FARS2: variants seen among roughly 807,000 people sequenced by gnomAD.
FARS2 encodes the protein phenylalanyl-tRNA synthetase 2, mitochondrial, also known as phenylalanine--tRNA ligase, mitochondrial.
Under a neutral mutation model 46.4 loss-of-function variants are expected in FARS2, and 40 were observed. The observed-to-expected ratio is 0.86, with a 90% CI of 0.67 to 1.12. The LOEUF (loss-of-function observed/expected upper bound fraction) is 1.12. FARS2 is among the 50% of genes most tolerant of loss of function. The probability of loss-of-function intolerance (pLI) is 0.00; values close to 1 mark genes in which losing one functional copy is unlikely to be tolerated. For missense variants in FARS2, 513 were observed against 567.9 expected, an observed-to-expected ratio of 0.90 and a Z score of 0.98; for synonymous variants, 234 against 214.9, an observed-to-expected ratio of 1.09 and a Z score of -0.78.
chr6:5,565,084 A>G (rs559913140), intron 5 of FARS2, among the ~76,000 whole-genome samples: 1 of 152,374 alleles, frequency 6.6e-6, no homozygotes, highest in South Asian at 2.1e-4. Context: ...TATTGCCATA[A>G]GTTAAGAGTA....
intron 6 of FARS2, among the ~76,000 whole-genome samples, chr6:5,719,506 G>T (rs1213390725): frequency 1.3e-5 from 2 of 151,930 alleles, no homozygotes; most frequent in African/African-American, 4.8e-5. Context: ...CTGAAAGATA[G>T]CACTTAGATG....
chr6:5,468,978 A>G (rs2150316328), intron 4 of FARS2, among the ~76,000 whole-genome samples: 1 of 152,262 alleles, frequency 6.6e-6, no homozygotes, highest in East Asian at 1.9e-4. Flanking sequence ...TCCAGCTGTT[A>G]TGTGACGGGT....
chr6:5,615,999 C>A (rs1775450158), intron 6 of FARS2, among the ~76,000 whole-genome samples: 1 of 135,000 alleles, frequency 7.4e-6, no homozygotes, highest in African/African-American at 2.8e-5. Flanking sequence ...CAGATTGTAA[C>A]CCATAGCTCT....
chr6:5,383,356 C>T (rs12197914), intron 2 of FARS2, among the ~76,000 whole-genome samples: 29,791 of 152,160 alleles, frequency 0.2, 3,511 homozygotes, highest in Middle Eastern at 0.28. Context: ...GGCCGCTGGC[C>T]TTTGGAGCCC....
chr6:5,756,430 G>T (rs966796496), intron 6 of FARS2, among the ~76,000 whole-genome samples: 1 of 152,168 alleles, frequency 6.6e-6, no homozygotes, highest in Non-Finnish European at 1.5e-5. Flanking sequence ...AAGCATGGCC[G>T]GGAGGCCTCA....
chr6:5,699,190 C>G (rs1206180643), intron 6 of FARS2, among the ~76,000 whole-genome samples: 2 of 152,210 alleles, frequency 1.3e-5, no homozygotes, highest in Non-Finnish European at 2.9e-5. Context: ...AGCCTGCTAC[C>G]AGGAATCATT....
At chr6:5,260,656 G>GT, upstream of FARS2, 2 of 1,506,868 alleles carry the variant, frequency 1.3e-6, no homozygotes, top group Non-Finnish European at 1.8e-6. Context: ...ACCTGTAATT[G>GT]TAGGCGCTGA....
intron 2 of FARS2, among the ~76,000 whole-genome samples, chr6:5,399,609 C>A (rs1454382581): frequency 6.6e-6 from 1 of 152,190 alleles, no homozygotes. Context: ...CATCCTGTTT[C>A]CACCACCTCT....
At chr6:5,428,422 A>C (rs543514892) in intron 3 of FARS2, among the ~76,000 whole-genome samples, 39 of 152,368 alleles carry the variant, frequency 2.6e-4, no homozygotes, top group African/African-American at 8.4e-4. Context: ...ATTTAATTAT[A>C]TGAAATCATG....
rs58922507 is a variant in FARS2 at position 5,717,908 on chromosome 6, C to CTATA, written c.1218-53358_1218-53355dup. On this transcript the variant is annotated intron_variant, in intron 6 of 6. Transcript: ENST00000274680. ...AGGCATGAAAATGAGAAGGTATCAG[C>CTATA]TATATATATATATATATATATATAT... 9.0e-3 allele frequency among the ~76,000 whole-genome samples: 701 copies of CTATA among 77,676 alleles called. 5 individuals carry two copies. The highest frequency in any genetic ancestry group is 0.018 in the Middle Eastern group (3 of 168). 51.0% of individuals were successfully genotyped at this position (77,676 alleles called of 152,430 possible). A position where few individuals can be genotyped will look rare whatever the true frequency, so the allele number is the denominator to read the frequency against.
At chr6:5,741,664 T>G (rs1279881846) in intron 6 of FARS2, among the ~76,000 whole-genome samples, 1 of 152,226 alleles carries the variant, frequency 6.6e-6, no homozygotes, top group Admixed American at 6.5e-5. Flanking sequence ...GTTGTTTGTT[T>G]TTTTCTGATA....
At chr6:5,271,546 C>T (rs1290275591) in intron 1 of FARS2, among the ~76,000 whole-genome samples, 2 of 147,678 alleles carry the variant, frequency 1.4e-5, no homozygotes, top group East Asian at 4.0e-4. Flanking sequence ...TGTATAAGAA[C>T]AGAGACTATG....
chr6:5,393,406 CA>C (rs1760699958), intron 2 of FARS2, among the ~76,000 whole-genome samples: 1 of 152,082 alleles, frequency 6.6e-6, no homozygotes, highest in Non-Finnish European at 1.5e-5. Flanking sequence ...CCTGTAATCC[CA>C]GCTCTTTGGG....
chr6:5,275,660 C>A (rs1031456409), intron 1 of FARS2, among the ~76,000 whole-genome samples: 1 of 152,084 alleles, frequency 6.6e-6, no homozygotes, highest in Non-Finnish European at 1.5e-5. Context: ...ATGAAGTGTT[C>A]AGCCACAGCA....
intron 4 of FARS2, among the ~76,000 whole-genome samples, chr6:5,515,047 A>G (rs1768702632): frequency 6.6e-6 from 1 of 151,706 alleles, no homozygotes; most frequent in South Asian, 2.1e-4. Flanking sequence ...AGTAACTGGG[A>G]TTACACGGAC....
chr6:5,768,371 A>G (rs1162944152), intron 6 of FARS2, among the ~76,000 whole-genome samples: 1 of 152,218 alleles, frequency 6.6e-6, no homozygotes, highest in Non-Finnish European at 1.5e-5. Flanking sequence ...TTTGAATCCC[A>G]AGAATCCTTA....
At position 5,643,100 on chromosome 6, in the gene FARS2, C is replaced by T. The variant is rs558014283; in HGVS notation, c.1217+29780C>T. On this transcript the variant is annotated intron_variant, in intron 6 of 6. Transcript: ENST00000274680. ...GTAATTTATTTTAAAGAAATATTTA[C>T]TTACGATTACTTAAAGAAATAAATA... Among the ~76,000 whole-genome samples, 3 of 152,314 alleles carry T rather than the reference C, an allele frequency of 2.0e-5. No homozygotes were observed. The East Asian group carries it at 5.8e-4, about 29-fold the overall frequency.
intron 2 of FARS2, among the ~76,000 whole-genome samples, chr6:5,388,713 G>A (rs894782842): frequency 5.3e-5 from 8 of 151,950 alleles, no homozygotes; most frequent in Admixed American, 5.2e-4. Context: ...AGTATTTGCT[G>A]ATGAATTCAT....
chr6:5,614,083 G>A (rs371285843), intron 6 of FARS2, among the ~76,000 whole-genome samples: 1 of 152,302 alleles, frequency 6.6e-6, no homozygotes, highest in East Asian at 1.9e-4. Context: ...TTGTTGGGTA[G>A]TGATGTGTTT....
Sources: gnomAD v4.1 joint callset for allele counts (sites outside exome capture counted in the v4.1 genomes callset) on GRCh38, gnomAD v4.1.1 for gene constraint, MANE v1.5 for transcripts, NCBI Gene and HGNC (gene_info 2026-07-23, HGNC 2026-07-21) for gene names.